The following ADAMTSL1 variants were observed in gnomAD, a reference collection of about 807,000 sequenced individuals.
ADAMTSL1 encodes the protein ADAMTS like 1.
A neutral mutation model predicts 201.8 loss-of-function variants in ADAMTSL1; 126 were observed. The ratio of observed to expected loss-of-function variants is 0.62; its 90% CI spans 0.54 to 0.72. The LOEUF (loss-of-function observed/expected upper bound fraction) is 0.72. Among genes scored for constraint, ADAMTSL1 ranks in the 30% least tolerant of loss-of-function variants. ADAMTSL1 has a pLI of 0.00. For missense variants in ADAMTSL1, 2,679 were observed against 2,277.8 expected (o/e 1.18, Z -3.59); for synonymous variants, 1,121 against 903.4 (o/e 1.24, Z -4.32).
In ADAMTSL1 at chr9:18,908,792, C is replaced by T; in HGVS notation, c.*244C>T. ...CAGATGTCTAAAGGAGGTTGCAGAG[C>T]AGGCCAGGCAGACAGTGGGGGCTCC... On this transcript the variant is annotated 3_prime_UTR_variant, in exon 29 of 29. Coordinates refer to ENST00000380548, the MANE Select transcript of ADAMTSL1 (RefSeq NM_001040272.6). 2.5e-6 allele frequency: 1 copy of T among 406,924 alleles called. No homozygotes were observed. Among genetic ancestry groups the T allele is most frequent in the Non-Finnish European group, 4.4e-6 (1 of 225,004 alleles). The allele number at this position is 406,924 out of a possible 1,614,324, so 25.2% of individuals were successfully genotyped here. A position where few individuals can be genotyped will look rare whatever the true frequency, so the allele number is the denominator to read the frequency against.
In ADAMTSL1 at chr9:18,015,412, C is replaced by T. The variant is rs568752089; in HGVS notation, c.87+108490C>T. On this transcript the variant is annotated intron_variant, in intron 1 of 29. Transcript: ENST00000680146. The stretch of plus-strand genomic sequence containing the variant: ...CTAGCTATTAACAACTCCCTTTCTT[C>T]CTATTCCTGCCACTCCCTTGGGGTC... Among the ~76,000 whole-genome samples the T allele has an allele frequency of 2.2e-4, 33 of 152,204 alleles. No individual in the cohort carries two copies. The South Asian group carries it at 6.8e-3, about 32-fold the overall frequency.
At chr9:18,761,101 A>C (rs1978746) in intron 16 of ADAMTSL1, among the ~76,000 whole-genome samples, 24,767 of 152,200 alleles carry the variant, frequency 0.16, 2,460 homozygotes, top group Admixed American at 0.25. Context: ...TGAAGAAACA[A>C]GTGAAGTGAG....
At chr9:18,554,735 G>A (rs1022985223) in intron 3 of ADAMTSL1, among the ~76,000 whole-genome samples, 15 of 149,136 alleles carry the variant, frequency 1.0e-4, no homozygotes, top group Non-Finnish European at 1.3e-4. Flanking sequence ...TAGAGAAATG[G>A]TAGGTTCACA....
chr9:18,148,863 T>C (rs1019529677), intron 1 of ADAMTSL1, among the ~76,000 whole-genome samples: 3 of 152,128 alleles, frequency 2.0e-5, no homozygotes, highest in Non-Finnish European at 4.4e-5. Flanking sequence ...TGATTAAATA[T>C]AAGATAGGCT....
At chr9:18,392,333 C>T (rs1282698202) in intron 2 of ADAMTSL1, among the ~76,000 whole-genome samples, 1 of 152,082 alleles carries the variant, frequency 6.6e-6, no homozygotes, top group East Asian at 1.9e-4. Context: ...CACTCACTAG[C>T]CTAGCTTCAT....
chr9:18,652,398 A>C (rs1241356385), intron 7 of ADAMTSL1, among the ~76,000 whole-genome samples: 1 of 151,780 alleles, frequency 6.6e-6, no homozygotes, highest in African/African-American at 2.4e-5. Flanking sequence ...AAAAAAAGAA[A>C]GCCTTTGTGA....
rs561817892 is a variant in ADAMTSL1 at position 17,951,961 on chromosome 9, C to T, written c.87+45039C>T. Among the ~76,000 whole-genome samples, 10 of 151,954 alleles carry T rather than the reference C, an allele frequency of 6.6e-5. No homozygotes were observed. The South Asian group carries it at 1.0e-3, about 16-fold the overall frequency. Reference sequence around the variant, plus strand: ...GACCACAGGCATGCACCATCTTGCCCGGCTAATTTTTTGATTTTTTGTAGA... The same window carrying T: ...GACCACAGGCATGCACCATCTTGCCTGGCTAATTTTTTGATTTTTTGTAGA... On this transcript the variant is annotated intron_variant, in intron 1 of 29. Transcript: ENST00000680146.
chr9:18,500,624 G>A (rs1822782204), intron 1 of ADAMTSL1, among the ~76,000 whole-genome samples: 2 of 152,092 alleles, frequency 1.3e-5, no homozygotes, highest in African/African-American at 4.8e-5. Context: ...CCAAAACTCA[G>A]GCGCTTCTTC....
intron 2 of ADAMTSL1, among the ~76,000 whole-genome samples, chr9:18,466,674 T>C (rs1452164997): frequency 6.6e-6 from 1 of 152,090 alleles, no homozygotes; most frequent in Admixed American, 6.5e-5. Flanking sequence ...TACTACAAAT[T>C]AAATTTAGTT....
intron 9 of ADAMTSL1, among the ~76,000 whole-genome samples, chr9:18,674,020 C>T (rs1448773304): frequency 6.6e-6 from 1 of 151,680 alleles, no homozygotes; most frequent in African/African-American, 2.4e-5. Context: ...GAGCTTTCAC[C>T]TGATTTCTTA....
rs1304869930 is a variant in ADAMTSL1, at chr9:18,809,447, G to A, written c.3806-7662G>A. Among the ~76,000 whole-genome samples, 3 of 152,260 alleles carry A rather than the reference G, an allele frequency of 2.0e-5. No individual in the cohort carries two copies. The East Asian group carries it at 5.8e-4, about 29-fold the overall frequency. ...TGGGGAGTGTGGGCTAAGTGAGGTA[G>A]GTGATATAGACCACTGGGTCTTAAT... On this transcript the variant is annotated intron_variant, in intron 20 of 28. Transcript: ENST00000380548.
chr9:18,611,991 A>C (rs1226845618), intron 4 of ADAMTSL1, among the ~76,000 whole-genome samples: 5 of 152,152 alleles, frequency 3.3e-5, no homozygotes, highest in African/African-American at 1.2e-4. Context: ...GGGTTGCCCA[A>C]GCTGAAGTCT....
chr9:18,326,599 T>C (rs1200829940), intron 2 of ADAMTSL1, among the ~76,000 whole-genome samples: 5 of 152,214 alleles, frequency 3.3e-5, no homozygotes, highest in Non-Finnish European at 7.3e-5. Flanking sequence ...GCATCTTAAA[T>C]ATTAATCAAA....
intron 1 of ADAMTSL1, among the ~76,000 whole-genome samples, chr9:18,119,451 C>T (rs1825405051): frequency 6.6e-6 from 1 of 152,044 alleles, no homozygotes; most frequent in African/African-American, 2.4e-5. Context: ...CAGGTGTGTG[C>T]CACCACGCCC....
chr9:18,520,351 C>G (rs1294589079), intron 2 of ADAMTSL1, among the ~76,000 whole-genome samples: 2 of 152,178 alleles, frequency 1.3e-5, no homozygotes, highest in East Asian at 1.9e-4. Context: ...GTTTTAGTAA[C>G]TCTCTGGATA....
chr9:18,484,726 A>G lies in ADAMTSL1; in HGVS notation c.63+10431A>G, dbSNP rs181347931. On this transcript the variant is annotated intron_variant, in intron 1 of 28. Transcript: ENST00000380548. ...GGTGCTGGGACTTTTATTAAGCAGG[A>G]CTGTCTTGGCTGCAGGCTCCAGGAT... Among the ~76,000 whole-genome samples the G allele has an allele frequency of 9.7e-3, 1,478 of 152,280 alleles. 23 individuals carry two copies. Among genetic ancestry groups the G allele is most frequent in the African/African-American group, 0.034 (1,395 of 41,546 alleles).
intron 1 of ADAMTSL1, among the ~76,000 whole-genome samples, chr9:18,116,513 G>A (rs1825256845): frequency 6.6e-6 from 1 of 152,112 alleles, no homozygotes; most frequent in Non-Finnish European, 1.5e-5. Flanking sequence ...CACATTGCTT[G>A]TAATTGTTTC....
chr9:17,979,584 T>C (rs1818604403), intron 1 of ADAMTSL1, among the ~76,000 whole-genome samples: 1 of 152,022 alleles, frequency 6.6e-6, no homozygotes, highest in Admixed American at 6.6e-5. Flanking sequence ...CATGTATTGG[T>C]ACTGAACTTT....
intron 4 of ADAMTSL1, among the ~76,000 whole-genome samples, chr9:18,582,560 A>G (rs1823168585): frequency 6.6e-6 from 1 of 152,208 alleles, no homozygotes; most frequent in African/African-American, 2.4e-5. Context: ...TGAAAAGGGA[A>G]GTTTCAGGCT....
Sources: allele counts gnomAD v4.1 joint callset (sites outside exome capture counted in the v4.1 genomes callset), GRCh38; gene constraint gnomAD v4.1.1; transcripts MANE v1.5; gene names NCBI Gene and HGNC (gene_info 2026-07-23, HGNC 2026-07-21).